Variants in ANKRD6 observed in about 807,000 individuals in gnomAD.
ANKRD6 encodes ankyrin repeat domain-containing protein 6.
ANKRD6 carries 56 observed loss-of-function variants against 82.3 expected under a neutral mutation model. The observed-to-expected ratio is 0.68, with a 90% CI of 0.55 to 0.85. ANKRD6 has a LOEUF of 0.85. ANKRD6 is among the 40% of genes least tolerant of loss of function. The pLI is 0.00. For synonymous variants in ANKRD6, 347 were observed against 352.1 expected (o/e 0.99, Z 0.16); for missense variants, 852 against 907.6 (o/e 0.94, Z 0.79).
chr6:89,504,305 G>A (rs1367786421), intron 1 of ANKRD6, among the ~76,000 whole-genome samples: 2 of 152,096 alleles, frequency 1.3e-5, no homozygotes, highest in Non-Finnish European at 2.9e-5. Context: ...GGTTAAATGG[G>A]ATGCGTAGGG....
chr6:89,574,972 A>G (rs975959567), intron 2 of ANKRD6, among the ~76,000 whole-genome samples: 1 of 152,226 alleles, frequency 6.6e-6, no homozygotes, highest in African/African-American at 2.4e-5. Flanking sequence ...GTCCATTTTT[A>G]TGCTTAGGTT....
intron 1 of ANKRD6, among the ~76,000 whole-genome samples, chr6:89,518,296 G>A (rs1244464408): frequency 1.3e-5 from 2 of 152,050 alleles, no homozygotes; most frequent in Non-Finnish European, 2.9e-5. Context: ...CAGCTGCTGC[G>A]GAGGCTGAGG....
intron 1 of ANKRD6, among the ~76,000 whole-genome samples, chr6:89,470,353 T>C (rs1305202290): frequency 1.3e-5 from 2 of 152,204 alleles, no homozygotes; most frequent in African/African-American, 2.4e-5. Context: ...GCACAGTGGC[T>C]CTTGCCTATA....
At position 89,623,432 on chromosome 6, in the gene ANKRD6, C is replaced by G. The variant is rs1272406444; in HGVS notation, c.920C>G (p.Thr307Ser). 8 of 1,612,086 alleles carry G rather than the reference C, an allele frequency of 5.0e-6. No individual in the cohort carries two copies. The highest frequency in any genetic ancestry group is 6.8e-6 in the Non-Finnish European group (8 of 1,179,190). ...TAGGGCAGTGTCTCAGCAGGAGACA[C>G]CCCCAGCAGTGAACAGGCTGTGGCC... ...QSKGSVSAGD[T>S]PSSEQAVARK... The change falls in exon 11 of 16, where the codon ACC becomes AGC. Residue 307 changes from threonine (T) to serine (S), a missense_variant. Coordinates refer to ENST00000339746, the MANE Select transcript of ANKRD6 (RefSeq NM_001242809.2).
chr6:89,623,828 A>G, intron 11 of ANKRD6, 44 bp from the exon 12 acceptor site: 1 of 1,570,696 alleles, frequency 6.4e-7, no homozygotes, highest in South Asian at 1.2e-5. Context: ...TCAGTCTTGC[A>G]GAGGTCAAAG....
chr6:89,465,594 C>T (rs894750077), intron 1 of ANKRD6, among the ~76,000 whole-genome samples: 1 of 152,056 alleles, frequency 6.6e-6, no homozygotes, highest in Admixed American at 6.6e-5. Context: ...GGTGTGGTGG[C>T]TGACACCCAT....
chr6:89,565,389 T>G (rs1788276825), intron 1 of ANKRD6: 1 of 152,254 alleles, frequency 6.6e-6, no homozygotes, highest in Admixed American at 6.5e-5. Flanking sequence ...TGGAGAATGA[T>G]GAGAAAGTTT....
In ANKRD6 at chr6:89,596,028, A is replaced by C. The variant is rs1475798810; in HGVS notation, c.219+14A>C. ...GTCCAGGATGATGTGAGTAGAAGCC[A>C]TCATTCTATCAGGCTGAGTTGGCAG... On this transcript the variant is annotated intron_variant, in intron 3 of 15. Transcript: ENST00000339746. 1 of 1,595,704 alleles carries C rather than the reference A, an allele frequency of 6.3e-7. No homozygotes were observed. The highest frequency in any genetic ancestry group is 8.5e-7 in the Non-Finnish European group (1 of 1,170,180).
At chr6:89,590,475 A>G (rs1363218447) in intron 2 of ANKRD6, among the ~76,000 whole-genome samples, 1 of 152,210 alleles carries the variant, frequency 6.6e-6, no homozygotes, top group African/African-American at 2.4e-5. Context: ...AAATGACAAC[A>G]GACCAACCTC....
At chr6:89,607,435 TG>T (rs1798983934) in intron 5 of ANKRD6, among the ~76,000 whole-genome samples, 1 of 152,198 alleles carries the variant, frequency 6.6e-6, no homozygotes, top group Non-Finnish European at 1.5e-5. Context: ...TGCTTTCCAC[TG>T]TTAAAGAACA....
chr6:89,609,303 T>C (rs988862691), intron 5 of ANKRD6, among the ~76,000 whole-genome samples: 4 of 149,836 alleles, frequency 2.7e-5, no homozygotes, highest in Non-Finnish European at 4.5e-5. Context: ...GTGTAATCAC[T>C]TTTTTTTTTC....
intron 1 of ANKRD6, among the ~76,000 whole-genome samples, chr6:89,545,226 A>AAG (rs1554231621): frequency 1.0e-3 from 154 of 149,198 alleles, no homozygotes; most frequent in African/African-American, 3.2e-3. Flanking sequence ...AAAAAAAAAA[A>AAG]AAAAGAAAAG....
At chr6:89,552,456 A>G (rs1402426082) in intron 1 of ANKRD6, among the ~76,000 whole-genome samples, 1 of 152,198 alleles carries the variant, frequency 6.6e-6, no homozygotes, top group Non-Finnish European at 1.5e-5. Flanking sequence ...GCTGAAGCCA[A>G]ATACTGTGTC....
intron 1 of ANKRD6, among the ~76,000 whole-genome samples, chr6:89,448,528 T>C (rs1426771423): frequency 6.6e-6 from 1 of 151,984 alleles, no homozygotes; most frequent in Non-Finnish European, 1.5e-5. Flanking sequence ...TATTTACAGG[T>C]GGTTTACTGA....
intron 1 of ANKRD6, among the ~76,000 whole-genome samples, chr6:89,531,248 G>A (rs935044391): frequency 6.6e-6 from 1 of 152,192 alleles, no homozygotes; most frequent in Non-Finnish European, 1.5e-5. Context: ...CAGTTATGTC[G>A]CTGTTAGGAT....
chr6:89,585,962 A>G (rs555978010), intron 2 of ANKRD6, among the ~76,000 whole-genome samples: 1 of 152,336 alleles, frequency 6.6e-6, no homozygotes, highest in East Asian at 1.9e-4. Context: ...ATATTTTATC[A>G]ACAAGAAAAA....
At chr6:89,467,060 C>G (rs891428822) in intron 1 of ANKRD6, among the ~76,000 whole-genome samples, 2 of 151,854 alleles carry the variant, frequency 1.3e-5, no homozygotes, top group Non-Finnish European at 2.9e-5. Context: ...TTTTTTCAAG[C>G]AAGCTGGGTG....
At chr6:89,510,781 A>G (rs374061840) in intron 1 of ANKRD6, among the ~76,000 whole-genome samples, 7 of 152,318 alleles carry the variant, frequency 4.6e-5, no homozygotes, top group Admixed American at 3.3e-4. Context: ...ATACAATCAT[A>G]TAAAATGTAA....
At chr6:89,470,811 T>C (rs774178653) in intron 1 of ANKRD6, among the ~76,000 whole-genome samples, 2 of 152,084 alleles carry the variant, frequency 1.3e-5, no homozygotes, top group African/African-American at 2.4e-5. Context: ...AATCGCTGGG[T>C]CAAAGTATAT....
Sources: allele counts gnomAD v4.1 joint callset (sites outside exome capture counted in the v4.1 genomes callset), GRCh38; gene constraint gnomAD v4.1.1; transcripts MANE v1.5; gene names NCBI Gene and HGNC (gene_info 2026-07-23, HGNC 2026-07-21).